The following TDRD6 variants were observed in gnomAD, a reference collection of about 807,000 sequenced individuals.
TDRD6 encodes tudor domain-containing protein 6.
In TDRD6, 186 loss-of-function variants were observed where a neutral mutation model predicts 157.5. The observed-to-expected ratio is 1.18, with a 90% CI of 1.05 to 1.33. The LOEUF is 1.33. TDRD6 is among the 40% of genes most tolerant of loss of function. TDRD6 has a pLI of 0.00. For missense variants in TDRD6, 3,066 were observed against 2,508.0 expected (o/e 1.22, Z -4.75); for synonymous variants, 1,075 against 945.2 (o/e 1.14, Z -2.52).
the TDRD6 span, among the ~76,000 whole-genome samples, chr6:46,682,673 T>G: frequency 6.6e-6 from 1 of 151,842 alleles, no homozygotes; most frequent in Non-Finnish European, 1.5e-5. Flanking sequence ...AAAAATATAT[T>G]TTGGTATACT....
chr6:46,702,034 C>T lies in TDRD6; in HGVS notation c.*147C>T. 1 of 784,722 alleles carries T rather than the reference C, an allele frequency of 1.3e-6. No homozygotes were observed. The highest frequency in any genetic ancestry group is 1.8e-5 in the South Asian group (1 of 54,660). The allele number at this position is 784,722 out of a possible 1,614,324, so 48.6% of individuals were successfully genotyped here. A position where few individuals can be genotyped will look rare whatever the true frequency, so the allele number is the denominator to read the frequency against. On this transcript the variant is annotated 3_prime_UTR_variant, in exon 4 of 4. Transcript: ENST00000316081. ...CAAAAACTTCTATATAGGTGGAAAA[C>T]AAATTAGGTCTCAGGTTGATGGTGG...
chr6:46,692,421 T>C lies in TDRD6; in HGVS notation c.4293T>C (p.Ser1431=). The change falls in exon 1 of 4, where the codon TCT becomes TCC. Residue 1431 remains serine, a synonymous_variant. Coordinates refer to ENST00000316081, the MANE Select transcript of TDRD6 (RefSeq NM_001010870.3). ...TTGAGGTTCCTGACAATAAAAATTC[T>C]AAGAAAATGATGCATTACTTTTCCC... ...QGFEVPDNKN[S]KKMMHYFSQR... 2 of 1,614,204 alleles carry C rather than the reference T, an allele frequency of 1.2e-6. No homozygotes were observed. Among genetic ancestry groups the C allele is most frequent in the Non-Finnish European group, 1.7e-6 (2 of 1,180,032 alleles).
intron 2 of TDRD6, among the ~76,000 whole-genome samples, chr6:46,696,595 A>T (rs1336423066): frequency 2.9e-5 from 1 of 34,052 alleles, no homozygotes; most frequent in African/African-American, 9.2e-5. Flanking sequence ...ATATATATAT[A>T]TATATATTTT....
upstream of TDRD6, among the ~76,000 whole-genome samples, chr6:46,683,994 T>TG (rs1055225140): frequency 6.6e-6 from 1 of 152,072 alleles, no homozygotes; most frequent in African/African-American, 2.4e-5. Flanking sequence ...AAGTGTAAGG[T>TG]GTATGCCGTT....
rs201316559 is a variant in TDRD6 at position 46,697,661 on chromosome 6, T to TG, written c.6172-335dup. 2.9e-3 allele frequency among the ~76,000 whole-genome samples: 437 copies of TG among 151,892 alleles called. 1 individual carries two copies. Among genetic ancestry groups the TG allele is most frequent in the African/African-American group, 0.01 (419 of 41,446 alleles). Reference sequence around the variant, plus strand: ...CAGCACTTTGGGAGGCCAAGGCAGGTGGATCGCTTGAGCCAAGGAGTTTGA... The same window carrying TG: ...CAGCACTTTGGGAGGCCAAGGCAGGTGGGATCGCTTGAGCCAAGGAGTTTGA... On this transcript the variant is annotated intron_variant, in intron 2 of 3. Transcript: ENST00000316081.
At position 46,688,525 on chromosome 6, in the gene TDRD6, G is replaced by A. The variant is rs1193070558; in HGVS notation, c.397G>A (p.Gly133Ser). ...GGAAGTGCTGGGCTGCGTGCTAGCGGGCCTGGTGCCGGCAGGCTGCGGCGC... is the reference window on the plus strand; with the variant it reads ...GGAAGTGCTGGGCTGCGTGCTAGCGAGCCTGGTGCCGGCAGGCTGCGGCGC... ...PSEVLGCVLAGLVPAGCGAGS... is the reference protein window; with the variant it reads ...PSEVLGCVLASLVPAGCGAGS... The change falls in exon 1 of 4, where the codon GGC becomes AGC. Residue 133 changes from glycine (G) to serine (S), a missense_variant. Gly to Ser is a moderately conservative substitution (Grantham distance 56). Transcript: ENST00000316081. 2.5e-6 allele frequency: 4 copies of A among 1,570,294 alleles called. No homozygotes were observed. The highest frequency in any genetic ancestry group is 3.4e-6 in the Non-Finnish European group (4 of 1,162,232).
At chr6:46,695,368 G>T (rs1262066515) in intron 1 of TDRD6, among the ~76,000 whole-genome samples, 3 of 151,686 alleles carry the variant, frequency 2.0e-5, no homozygotes, top group Non-Finnish European at 4.4e-5. Flanking sequence ...CCATCCTATG[G>T]GTAACACATA....
Position 46,692,160 on chromosome 6 carries a change from GC to G in TDRD6, c.4035del (p.Glu1346AsnfsTer4). 1 of 1,614,066 alleles carries G rather than the reference GC, an allele frequency of 6.2e-7. No individual in the cohort carries two copies. Among genetic ancestry groups the G allele is most frequent in the Non-Finnish European group, 8.5e-7 (1 of 1,179,984 alleles). ...AGAGATTAAACAGTGTTAAAACAAG[GC>G]CCGAATATTATGTAGGTCCACCTTT... ...SERLNSVKTR[P>X]EYYVGPPLQR... On this transcript the variant is annotated frameshift_variant, in exon 1 of 4. Transcript: ENST00000316081. LOFTEE classifies it high-confidence loss of function.
chr6:46,687,794 T>C (rs1764141385), upstream of TDRD6: 1 of 271,146 alleles, frequency 3.7e-6, no homozygotes, highest in Non-Finnish European at 6.9e-6. Flanking sequence ...ACAAGCTCCT[T>C]GGGCCCTTAG....
Position 46,689,928 on chromosome 6 carries a change from C to G in TDRD6, c.1800C>G (p.Cys600Trp). Residue 600 changes from cysteine to tryptophan, a missense_variant, in exon 1 of 4, where the codon TGC (cysteine) becomes TGG (tryptophan). By Grantham distance (215) the Cys-to-Trp change is radical (BLOSUM62 -2). Coordinates refer to ENST00000316081, the MANE Select transcript of TDRD6 (RefSeq NM_001010870.3). ...FRQLPILAVK[C>W]TLADIWPLGK... ...AGCTACCAATATTGGCTGTGAAGTG[C>G]ACCCTGGCTGATATTTGGCCTTTGG... 1 of 1,614,160 alleles carries G rather than the reference C, an allele frequency of 6.2e-7. No individual in the cohort carries two copies. The highest frequency in any genetic ancestry group is 1.3e-5 in the African/African-American group (1 of 75,032).
chr6:46,694,495 G>C (rs1482116934), intron 1 of TDRD6, among the ~76,000 whole-genome samples: 1 of 152,002 alleles, frequency 6.6e-6, no homozygotes, highest in Non-Finnish European at 1.5e-5. Flanking sequence ...TTAACATAGT[G>C]ACTTTCCAGA....
rs944155838 is a variant in TDRD6 at position 46,702,645 on chromosome 6, G to A, written c.*758G>A. ...TCCATATTTTATAGGTGAGAAAATT[G>A]AAGCTTCATAAAGAGGTTAAATAAC... is the stretch of plus-strand genomic sequence containing the variant. On this transcript the variant is annotated 3_prime_UTR_variant, in exon 4 of 4. Transcript: ENST00000316081. 6.6e-6 allele frequency: 1 copy of A among 152,034 alleles called. No individual in the cohort carries two copies. The highest frequency in any genetic ancestry group is 2.4e-5 in the African/African-American group (1 of 41,408). The allele number at this position is 152,034 out of a possible 1,614,324, so 9.4% of individuals were successfully genotyped here.
In TDRD6 at chr6:46,688,506, G is replaced by A; in HGVS notation, c.378G>A (p.Val126=). The change falls in exon 1 of 4, where the codon GTG becomes GTA. Residue 126 remains valine (V), a synonymous_variant. Transcript: ENST00000316081. ...AGTTCTTCAATTTGCCCTCGGAAGTGCTGGGCTGCGTGCTAGCGGGCCTGG... is the reference window on the plus strand; with the variant it reads ...AGTTCTTCAATTTGCCCTCGGAAGTACTGGGCTGCGTGCTAGCGGGCCTGG... ...RREFFNLPSE[V]LGCVLAGLVP... The A allele has an allele frequency of 6.4e-7, 1 of 1,562,184 alleles. No homozygotes were observed. Among genetic ancestry groups the A allele is most frequent in the African/African-American group, 1.3e-5 (1 of 74,120 alleles).
chr6:46,688,188 C>G lies in TDRD6; in HGVS notation c.60C>G (p.Phe20Leu). 20 of 1,549,838 alleles carry G rather than the reference C, an allele frequency of 1.3e-5. No homozygotes were observed. The highest frequency in any genetic ancestry group is 1.7e-5 in the Non-Finnish European group (20 of 1,154,032). Residue 20 changes from phenylalanine to leucine, a missense_variant, in exon 1 of 4, where the codon TTC (phenylalanine) becomes TTG (leucine). Physicochemically the swap from Phe to Leu is conservative, Grantham distance 22 (BLOSUM62 0). Coordinates refer to ENST00000316081, the MANE Select transcript of TDRD6 (RefSeq NM_001010870.3). ...PGASLALRVS[F>L]VDVHPDVIPV... is the part of the protein sequence containing the mutation. ...CCTCGCTGGCCCTGCGGGTGTCCTTCGTGGACGTGCATCCCGATGTGATCC... is the reference window on the plus strand; with the variant it reads ...CCTCGCTGGCCCTGCGGGTGTCCTTGGTGGACGTGCATCCCGATGTGATCC...
At chr6:46,697,965 G>A (rs745895096) in intron 2 of TDRD6, 33 bp from the exon 3 acceptor site, 17 of 1,326,280 alleles carry the variant, frequency 1.3e-5, no homozygotes, top group Non-Finnish European at 1.7e-5. Flanking sequence ...TTTTTGAATT[G>A]GACACTTTAA....
In TDRD6 at chr6:46,702,142, G is replaced by T; in HGVS notation, c.*255G>T. 1 of 337,392 alleles carries T rather than the reference G, an allele frequency of 3.0e-6. No homozygotes were observed. The highest frequency in any genetic ancestry group is 4.6e-5 in the Admixed American group (1 of 21,656). The allele number at this position is 337,392 out of a possible 1,614,324, so 20.9% of individuals were successfully genotyped here. ...TCTTACGTTTCTAATTAGTTGGGAG[G>T]ATTTATTTTGCTAAACAGTTTACTA... On this transcript the variant is annotated 3_prime_UTR_variant, in exon 4 of 4. Transcript: ENST00000316081.
chr6:46,689,149 G>T lies in TDRD6; in HGVS notation c.1021G>T (p.Ala341Ser). Residue 341 changes from alanine (A) to serine (S), a missense_variant, in exon 1 of 4, where the codon GCC becomes TCC. Coordinates refer to ENST00000316081, the MANE Select transcript of TDRD6 (RefSeq NM_001010870.3). ...LLETFRPQRC[A>S]QVLHVDYGRK... ...TGAGACTTTTCGGCCCCAGCGCTGT[G>T]CCCAGGTGCTTCATGTGGACTATGG... 6.2e-7 allele frequency: 1 copy of T among 1,614,200 alleles called. No homozygotes were observed. Among genetic ancestry groups the T allele is most frequent in the Non-Finnish European group, 8.5e-7 (1 of 1,180,028 alleles).
At chr6:46,696,519 A>G (rs13211383) in intron 2 of TDRD6, among the ~76,000 whole-genome samples, 74 of 130,448 alleles carry the variant, frequency 5.7e-4, no homozygotes, top group African/African-American at 2.1e-3. Context: ...ATGTATATAT[A>G]TGTGTGTATA....
rs375428009 is a variant in TDRD6, at chr6:46,690,527, C to T, written c.2399C>T (p.Thr800Ile). 38 of 1,614,066 alleles carry T rather than the reference C, an allele frequency of 2.4e-5. No individual in the cohort carries two copies. The highest frequency in any genetic ancestry group is 2.8e-5 in the Non-Finnish European group (33 of 1,180,046). The change falls in exon 1 of 4, where the codon ACT becomes ATT. Residue 800 changes from threonine to isoleucine, a missense_variant. Coordinates refer to ENST00000316081, the MANE Select transcript of TDRD6 (RefSeq NM_001010870.3). ...ACCAGGAACATACAAGGACTTAAAA[C>T]TCTAATGTCTGATATTCAGTACTAT... ...QLTRNIQGLKTLMSDIQYYCK... is the reference protein window; with the variant it reads ...QLTRNIQGLKILMSDIQYYCK...
Sources: gnomAD v4.1 joint callset for allele counts (sites outside exome capture counted in the v4.1 genomes callset) on GRCh38, gnomAD v4.1.1 for gene constraint, MANE v1.5 for transcripts, NCBI Gene and HGNC (gene_info 2026-07-23, HGNC 2026-07-21) for gene names.